DNASE1: variants seen among roughly 807,000 people sequenced by gnomAD.
The protein encoded by DNASE1 is deoxyribonuclease-1.
Under a neutral mutation model 33.9 loss-of-function variants are expected in DNASE1, and 40 were observed. That is an observed-to-expected ratio of 1.18 (90% confidence interval 0.92 to 1.54). DNASE1 has a LOEUF of 1.54. Among genes scored for constraint, DNASE1 ranks in the 40% most tolerant of loss-of-function variants. The pLI is 0.00. For synonymous variants in DNASE1, 216 were observed against 160.0 expected (o/e 1.35, Z -2.64); for missense variants, 518 against 372.6 (o/e 1.39, Z -3.21).
chr16:3,645,353 G>C (rs735830), intron 1 of DNASE1, among the ~76,000 whole-genome samples: 5 of 152,016 alleles, frequency 3.3e-5, no homozygotes, highest in African/African-American at 9.7e-5. Flanking sequence ...TTTTCATTGC[G>C]ACCCTTGTTG....
Position 3,617,790 on chromosome 16 carries a change from T to G in DNASE1, c.-1359+5784T>G, listed in dbSNP as rs1409257411. Among the ~76,000 whole-genome samples the G allele has an allele frequency of 1.3e-5, 2 of 152,060 alleles. 1 individual carries two copies. On this transcript the variant is annotated intron_variant and NMD_transcript_variant, in intron 1 of 11. Transcript: ENST00000570769. ...GTGAGACTCCATTTTTACAAAAATT[T>G]TTTTAAAAAAAGAAAAGAGGCCCAA...
chr16:3,663,405 G>A, exon 10 of DNASE1: 2 of 1,613,880 alleles, frequency 1.2e-6, no homozygotes. Flanking sequence ...CCCACGCCTA[G>A]AGAGCAGGGG....
At chr16:3,622,898 C>A (rs1472001584) in intron 1 of DNASE1, among the ~76,000 whole-genome samples, 1 of 152,180 alleles carries the variant, frequency 6.6e-6, no homozygotes, top group African/African-American at 2.4e-5. Context: ...AACAAAGGTT[C>A]TTCAAAGCTG....
At chr16:3,654,229 C>T (rs373681390), upstream of DNASE1, 126 of 397,656 alleles carry the variant, frequency 3.2e-4, no homozygotes, top group African/African-American at 2.5e-3. Context: ...CCTAAACACA[C>T]AGCCTATTGT....
chr16:3,643,905 C>T (rs1469661447), intron 1 of DNASE1, among the ~76,000 whole-genome samples: 6 of 152,052 alleles, frequency 3.9e-5, no homozygotes, highest in Non-Finnish European at 7.4e-5. Context: ...GGACTACAGG[C>T]GCCCGCCATC....
At chr16:3,662,371 C>G (rs2043133499), downstream of DNASE1, 1 of 594,274 alleles carries the variant, frequency 1.7e-6, no homozygotes, top group Admixed American at 3.0e-5. Flanking sequence ...GCTGCTGCCT[C>G]CAGGAGCTGC....
At chr16:3,619,789 G>A (rs1015545594) in intron 1 of DNASE1, among the ~76,000 whole-genome samples, 2 of 152,158 alleles carry the variant, frequency 1.3e-5, no homozygotes, top group Non-Finnish European at 2.9e-5. Context: ...GGGATTATAG[G>A]TGTGAGCCAC....
At chr16:3,641,333 C>T (rs2042017052), upstream of DNASE1, 1 of 165,772 alleles carries the variant, frequency 6.0e-6, no homozygotes, top group Admixed American at 6.4e-5. Context: ...AGACGCCTTG[C>T]CTGCTCTCCT....
intron 1 of DNASE1, among the ~76,000 whole-genome samples, chr16:3,625,467 TTTAAA>T (rs1178451315): frequency 6.6e-6 from 1 of 151,798 alleles, no homozygotes; most frequent in Non-Finnish European, 1.5e-5. Flanking sequence ...AAAAAAATTG[TTTAAA>T]TAAAATTAGC....
rs535824256 is a variant in DNASE1 at position 3,634,556 on chromosome 16, C to G, written c.-1358-6159C>G. The stretch of plus-strand genomic sequence containing the variant: ...ACAGGGTCTTGGTCTGTCGTCCAGG[C>G]TGGAATATAGTGGTGCGATCATAGC... On this transcript the variant is annotated intron_variant and NMD_transcript_variant, in intron 1 of 11. Transcript: ENST00000570769. Among the ~76,000 whole-genome samples the G allele has an allele frequency of 2.0e-5, 3 of 152,014 alleles. No homozygotes were observed. The East Asian group carries it at 5.8e-4, about 29-fold the overall frequency.
chr16:3,651,729 G>A (rs1305409509), upstream of DNASE1: 1 of 152,782 alleles, frequency 6.5e-6, no homozygotes, highest in Non-Finnish European at 1.5e-5. Flanking sequence ...CCCAGGACGA[G>A]GCCCAGGCAG....
chr16:3,632,125 G>C (rs1458954524), intron 1 of DNASE1, among the ~76,000 whole-genome samples: 1 of 152,150 alleles, frequency 6.6e-6, no homozygotes, highest in Admixed American at 6.5e-5. Flanking sequence ...CGTGTTTTAT[G>C]GACCCGAATG....
At chr16:3,634,696 G>A (rs377134910) in intron 1 of DNASE1, among the ~76,000 whole-genome samples, 1 of 150,244 alleles carries the variant, frequency 6.7e-6, no homozygotes, top group Non-Finnish European at 1.5e-5. Flanking sequence ...TTAATTTCTA[G>A]TAGAGACAGG....
chr16:3,662,173 A>C (rs374792668), downstream of DNASE1: 1 of 1,586,500 alleles, frequency 6.3e-7, no homozygotes, highest in Non-Finnish European at 8.6e-7. Context: ...AGAGGTTCCC[A>C]ATGTGAGAGG....
At chr16:3,662,938 C>A (rs1258602306), downstream of DNASE1, 1 of 1,612,486 alleles carries the variant, frequency 6.2e-7, no homozygotes, top group African/African-American at 1.3e-5. Context: ...ATGAGCTCCT[C>A]CGTCTCCTTC....
At chr16:3,636,772 A>G (rs2041879780) in intron 1 of DNASE1, among the ~76,000 whole-genome samples, 1 of 151,480 alleles carries the variant, frequency 6.6e-6, no homozygotes, top group Non-Finnish European at 1.5e-5. Flanking sequence ...GTGAGCCAAG[A>G]TCATGCCACA....
At chr16:3,657,868 G>A (rs2042795236) in intron 8 of DNASE1, 38 bp from the exon 9 acceptor site, 1 of 1,613,864 alleles carries the variant, frequency 6.2e-7, no homozygotes, top group Non-Finnish European at 8.5e-7. Flanking sequence ...AGGAGCTCAG[G>A]TAGGCTCAGC....
intron 1 of DNASE1, among the ~76,000 whole-genome samples, chr16:3,629,240 T>C (rs544794469): frequency 2.0e-5 from 3 of 152,030 alleles, no homozygotes; most frequent in African/African-American, 7.2e-5. Flanking sequence ...TTTTCAAATA[T>C]GGCTTTATGT....
chr16:3,613,490 T>G (rs939164359), intron 1 of DNASE1, among the ~76,000 whole-genome samples: 51 of 152,184 alleles, frequency 3.4e-4, no homozygotes, highest in African/African-American at 1.2e-3. Flanking sequence ...AAGACTACAT[T>G]TGATTCTGAA....
Sources: allele counts gnomAD v4.1 joint callset (sites outside exome capture counted in the v4.1 genomes callset), GRCh38; gene constraint gnomAD v4.1.1; transcripts MANE v1.5; gene names NCBI Gene and HGNC (gene_info 2026-07-23, HGNC 2026-07-21).